DOCK5: variants seen among roughly 807,000 people sequenced by gnomAD.
The protein encoded by DOCK5 is dedicator of cytokinesis protein 5.
DOCK5 carries 142 observed loss-of-function variants against 251.8 expected under a neutral mutation model. The observed-to-expected ratio is 0.56, with a 90% CI of 0.49 to 0.65. The LOEUF (loss-of-function observed/expected upper bound fraction) is 0.65. Among genes scored for constraint, DOCK5 ranks in the 30% least tolerant of loss-of-function variants. The pLI, the probability that DOCK5 is intolerant of heterozygous loss-of-function variation, is 0.00. For missense variants in DOCK5, 2,111 were observed against 2,312.3 expected, an observed-to-expected ratio of 0.91 and a Z score of 1.79; for synonymous variants, 842 against 835.5, an observed-to-expected ratio of 1.01 and a Z score of -0.13.
intron 17 of DOCK5, among the ~76,000 whole-genome samples, chr8:25,324,465 TA>T (rs1477217576): frequency 6.6e-6 from 1 of 152,240 alleles, no homozygotes; most frequent in East Asian, 1.9e-4. Context: ...TTTTAGAGTA[TA>T]AAGTAGATGC....
rs117314382 is a variant in DOCK5, at chr8:25,312,136, T to G, written c.1318+1604T>G. ...AAAAGAAGATAGTTTTTTGCTTATT[T>G]TGTCCATTACATAGCTATTTTACCC... On this transcript the variant is annotated intron_variant, in intron 13 of 51. Transcript: ENST00000276440. 5.3e-3 allele frequency among the ~76,000 whole-genome samples: 808 copies of G among 152,266 alleles called. 12 individuals are homozygous for G. Among genetic ancestry groups the G allele is most frequent in the South Asian group, 0.045 (219 of 4,822 alleles).
chr8:25,317,795 TAG>T lies in DOCK5; in HGVS notation c.1443+668_1443+669del, dbSNP rs1309617859. Among the ~76,000 whole-genome samples, 3 of 152,244 alleles carry T rather than the reference TAG, an allele frequency of 2.0e-5. No individual in the cohort carries two copies. In the South Asian group the frequency reaches 6.2e-4, roughly 32 times the overall value. On this transcript the variant is annotated intron_variant, in intron 14 of 51. Coordinates refer to ENST00000276440, the MANE Select transcript of DOCK5 (RefSeq NM_024940.8). ...CCGGCTAATTTTTTTGTATTTTTAT[TAG>T]AGACGGGGTTTCACCATGTTAGCCA...
chr8:25,343,897 C>A (rs187633786), intron 25 of DOCK5, among the ~76,000 whole-genome samples: 9 of 152,296 alleles, frequency 5.9e-5, no homozygotes, highest in African/African-American at 2.2e-4. Flanking sequence ...CCTCCACCTC[C>A]CAGGTTCAAG....
intron 37 of DOCK5, 145 bp downstream of exon 37, chr8:25,374,799 G>A (rs746835203): frequency 3.9e-6 from 6 of 1,544,822 alleles, no homozygotes; most frequent in African/African-American, 2.8e-5. Context: ...TTTCTAAATA[G>A]GCACAGCTAA....
intron 20 of DOCK5, 144 bp downstream of exon 20, chr8:25,332,836 T>C (rs1805713739): frequency 1.6e-6 from 1 of 627,338 alleles, no homozygotes; most frequent in African/African-American, 1.9e-5. Flanking sequence ...GCTGAATTCC[T>C]AGAAGTACTA....
At chr8:25,358,677 T>C (rs182207155) in intron 27 of DOCK5, among the ~76,000 whole-genome samples, 107 of 152,300 alleles carry the variant, frequency 7.0e-4, no homozygotes, top group Non-Finnish European at 1.3e-3. Context: ...GCCCCACAAG[T>C]TGTTACATCT....
chr8:25,380,331 CAA>C lies in DOCK5; in HGVS notation c.3965_3966del (p.Lys1322ArgfsTer4). ...TGTGGGAGAAGGCCATCAAGCTGAGCAAAGAGTTGGCTGAGACTTACGAAAGC... is the reference window on the plus strand; with the variant it reads ...TGTGGGAGAAGGCCATCAAGCTGAGCAGAGTTGGCTGAGACTTACGAAAGC... The part of the protein sequence containing the change: ...KMWEKAIKLS[K>X]ELAETYESKV... On this transcript the variant is annotated frameshift_variant, in exon 39 of 52. Transcript: ENST00000276440. LOFTEE classifies it high-confidence loss of function. The C allele has an allele frequency of 6.2e-7, 1 of 1,611,966 alleles. No individual in the cohort carries two copies. The highest frequency in any genetic ancestry group is 1.3e-5 in the African/African-American group (1 of 74,984).
rs115235326 is a variant in DOCK5, at chr8:25,396,489, T to C, written c.4704+770T>C. Among the ~76,000 whole-genome samples, 629 of 152,276 alleles carry C rather than the reference T, an allele frequency of 4.1e-3. 4 individuals are homozygous for C. Among genetic ancestry groups the C allele is most frequent in the African/African-American group, 0.015 (616 of 41,548 alleles). On this transcript the variant is annotated intron_variant, in intron 45 of 51. Coordinates refer to ENST00000276440, the MANE Select transcript of DOCK5 (RefSeq NM_024940.8). ...TTAGTTGAGACATGAAAGCAGTACT[T>C]GGCACAATTTAATCCATGGGATAGG...
chr8:25,187,410 T>C (rs915707296), intron 1 of DOCK5, among the ~76,000 whole-genome samples: 1 of 150,018 alleles, frequency 6.7e-6, no homozygotes, highest in African/African-American at 2.5e-5. Context: ...AATATTTGGA[T>C]TGCATTTCCA....
intron 11 of DOCK5, among the ~76,000 whole-genome samples, chr8:25,306,549 C>G (rs1052521377): frequency 6.6e-6 from 1 of 151,954 alleles, no homozygotes; most frequent in African/African-American, 2.4e-5. Context: ...AAAAAATTAT[C>G]TGGGCACAGT....
At position 25,403,611 on chromosome 8, in the gene DOCK5, C is replaced by G; in HGVS notation, c.4980C>G (p.Pro1660=). ...KQSRTGSIVL[P]YIMSSTLRRL... ...GCCGCACGGGGTCTATTGTGCTCCC[C>G]TACATCATGTCTTCCACTCTGCGGA... Residue 1660 remains proline (P), a synonymous_variant, in exon 48 of 52, where the codon CCC becomes CCG. Coordinates refer to ENST00000276440, the MANE Select transcript of DOCK5 (RefSeq NM_024940.8). The G allele has an allele frequency of 1.2e-6, 2 of 1,614,006 alleles. No homozygotes were observed. The highest frequency in any genetic ancestry group is 2.2e-5 in the South Asian group (2 of 91,078).
At chr8:25,289,396 C>T (rs1287124823) in intron 5 of DOCK5, among the ~76,000 whole-genome samples, 1 of 151,812 alleles carries the variant, frequency 6.6e-6, no homozygotes, top group Non-Finnish European at 1.5e-5. Flanking sequence ...AAGTGATCCT[C>T]TTGCCTCGGC....
At chr8:25,318,791 C>A (rs1805340125) in intron 14 of DOCK5, among the ~76,000 whole-genome samples, 1 of 151,896 alleles carries the variant, frequency 6.6e-6, no homozygotes. Context: ...AACCAAGGAC[C>A]AAGCTCTTGA....
intron 5 of DOCK5, among the ~76,000 whole-genome samples, chr8:25,280,672 C>T (rs992888363): frequency 6.6e-6 from 1 of 152,212 alleles, no homozygotes; most frequent in Admixed American, 6.5e-5. Flanking sequence ...TTGGGGCACA[C>T]TGCTTCATAA....
At chr8:25,249,008 T>C (rs1165418159) in intron 2 of DOCK5, among the ~76,000 whole-genome samples, 1 of 152,162 alleles carries the variant, frequency 6.6e-6, no homozygotes, top group African/African-American at 2.4e-5. Context: ...ATTTTATTTA[T>C]CTTTTTTTTA....
At chr8:25,294,868 A>G (rs2117155757) in intron 6 of DOCK5, among the ~76,000 whole-genome samples, 1 of 152,118 alleles carries the variant, frequency 6.6e-6, no homozygotes, top group East Asian at 1.9e-4. Context: ...AGAGAGAGAG[A>G]GGTGGGAGGG....
At chr8:25,220,377 C>G (rs1434350229) in intron 1 of DOCK5, among the ~76,000 whole-genome samples, 1 of 152,090 alleles carries the variant, frequency 6.6e-6, no homozygotes, top group Non-Finnish European at 1.5e-5. Flanking sequence ...CTTTTTTGTT[C>G]TCTTTCTCTC....
At chr8:25,283,483 T>A (rs147879779) in intron 5 of DOCK5, among the ~76,000 whole-genome samples, 38 of 152,152 alleles carry the variant, frequency 2.5e-4, no homozygotes, top group African/African-American at 9.2e-4. Flanking sequence ...ACTCTGAGAG[T>A]ATGGAAAGAG....
intron 1 of DOCK5, among the ~76,000 whole-genome samples, chr8:25,238,517 T>G (rs1802858428): frequency 6.6e-6 from 1 of 152,318 alleles, no homozygotes; most frequent in East Asian, 1.9e-4. Flanking sequence ...ATGAAACAGA[T>G]TGTACAAACA....
Sources: gnomAD v4.1 joint callset for allele counts (sites outside exome capture counted in the v4.1 genomes callset) on GRCh38, gnomAD v4.1.1 for gene constraint, MANE v1.5 for transcripts, NCBI Gene and HGNC (gene_info 2026-07-23, HGNC 2026-07-21) for gene names.